The following SEC23IP variants were observed in gnomAD, a reference collection of about 807,000 sequenced individuals.
The protein encoded by SEC23IP is SEC23-interacting protein.
In SEC23IP, 70 loss-of-function variants were observed where a neutral mutation model predicts 113.4. The observed-to-expected ratio is 0.62, with a 90% confidence interval of 0.51 to 0.75. The LOEUF is 0.75. Ranked by LOEUF, SEC23IP falls within the 30% of genes least tolerant of loss-of-function variation. The pLI is 0.00. For synonymous variants in SEC23IP, 398 were observed against 421.0 expected, an observed-to-expected ratio of 0.95 and a Z score of 0.67; for missense variants, 1,160 against 1,204.9, an observed-to-expected ratio of 0.96 and a Z score of 0.55.
intron 15 of SEC23IP, 131 bp from the exon 16 acceptor site, chr10:119,932,002 C>T (rs560320524): frequency 1.4e-5 from 8 of 560,672 alleles, no homozygotes; most frequent in South Asian, 5.7e-5. Flanking sequence ...TGAGGCACTC[C>T]GTATATTTGA....
Position 119,919,615 on chromosome 10 carries a change from T to G in SEC23IP, c.2025+19T>G, listed in dbSNP as rs1249240202. On this transcript the variant is annotated intron_variant, in intron 11 of 18. Coordinates refer to ENST00000369075, the MANE Select transcript of SEC23IP (RefSeq NM_007190.4). Reference sequence around the variant, plus strand: ...GTCCCTGGTACTGATCATAGTTTGCTTCATTTTGTTTGAAATTGTTTTTCT... The same window carrying G: ...GTCCCTGGTACTGATCATAGTTTGCGTCATTTTGTTTGAAATTGTTTTTCT... The G allele has an allele frequency of 6.5e-7, 1 of 1,544,074 alleles. No homozygotes were observed. Among genetic ancestry groups the G allele is most frequent in the African/African-American group, 1.4e-5 (1 of 71,466 alleles).
chr10:119,932,935 G>C (rs1855654349), intron 16 of SEC23IP, 70 bp from the exon 17 acceptor site: 3 of 1,404,774 alleles, frequency 2.1e-6, no homozygotes, highest in African/African-American at 2.9e-5. Flanking sequence ...ATTGAGCCCA[G>C]AAAGTCAGCT....
At chr10:119,893,030 C>A in intron 1 of SEC23IP, 85 bp downstream of exon 1, 1 of 1,426,516 alleles carries the variant, frequency 7.0e-7, no homozygotes, top group Non-Finnish European at 9.6e-7. Flanking sequence ...GTTTTTCCTT[C>A]TGCCTCGAGC....
At position 119,902,939 on chromosome 10, in the gene SEC23IP, A is replaced by G. The variant is rs755600612; in HGVS notation, c.837A>G (p.Val279=). Residue 279 remains valine, a synonymous_variant, in exon 3 of 19, where the codon GTA becomes GTG. Transcript: ENST00000369075. ...CCCACTGGTTTTACTGCAAGGAGGT[A>G]GAATACAAACAACTGTGGATGCCTT... The part of the protein sequence containing the change: ...VQPHWFYCKE[V]EYKQLWMPFS... 46 of 1,614,112 alleles carry G rather than the reference A, an allele frequency of 2.8e-5. No individual in the cohort carries two copies. The highest frequency in any genetic ancestry group is 3.6e-5 in the Non-Finnish European group (43 of 1,180,038).
At chr10:119,896,379 C>G (rs1854285429) in intron 1 of SEC23IP, among the ~76,000 whole-genome samples, 1 of 152,158 alleles carries the variant, frequency 6.6e-6, no homozygotes, top group Non-Finnish European at 1.5e-5. Flanking sequence ...GTTTGAATGT[C>G]TGAATGAATG....
At chr10:119,898,401 C>T in intron 1 of SEC23IP, 26 bp from the exon 2 acceptor site, 3 of 1,587,990 alleles carry the variant, frequency 1.9e-6, no homozygotes, top group Non-Finnish European at 2.6e-6. Flanking sequence ...ACCCTTTAAA[C>T]CACATGCTCT....
chr10:119,894,252 A>T lies in SEC23IP; in HGVS notation c.163+1307A>T, dbSNP rs145070846. 3.0e-3 allele frequency among the ~76,000 whole-genome samples: 455 copies of T among 152,278 alleles called. 1 individual carries two copies. Among genetic ancestry groups the T allele is most frequent in the African/African-American group, 0.011 (438 of 41,558 alleles). ...ACCTAATTGCCTTTTTATCTCCAGGATCTTATTTAGGGCCTAGTACATAGA... is the reference window on the plus strand; with the variant it reads ...ACCTAATTGCCTTTTTATCTCCAGGTTCTTATTTAGGGCCTAGTACATAGA... On this transcript the variant is annotated intron_variant, in intron 1 of 18. Transcript: ENST00000369075.
intron 13 of SEC23IP, among the ~76,000 whole-genome samples, chr10:119,927,421 A>T (rs1338214335): frequency 6.6e-6 from 1 of 152,124 alleles, no homozygotes; most frequent in Non-Finnish European, 1.5e-5. Flanking sequence ...TTCTCTCTGA[A>T]ACTTGGAGGG....
chr10:119,897,350 A>G (rs1337155576), intron 1 of SEC23IP, among the ~76,000 whole-genome samples: 1 of 152,252 alleles, frequency 6.6e-6, no homozygotes, highest in East Asian at 1.9e-4. Context: ...GTAGAACAGA[A>G]GCTAAATTAT....
In SEC23IP at chr10:119,903,079, T is replaced by C. The variant is rs536531381; in HGVS notation, c.907+70T>C. ...AAGGAATGAGATCATTTATTCATGA[T>C]CTATTTTCTGTGAATGTCAAATACC... On this transcript the variant is annotated intron_variant, in intron 3 of 18. Transcript: ENST00000369075. The C allele has an allele frequency of 1.0e-5, 13 of 1,286,928 alleles. No individual in the cohort carries two copies. The South Asian group carries it at 1.6e-4, about 16-fold the overall frequency. The allele number at this position is 1,286,928 out of a possible 1,614,324, so 79.7% of individuals were successfully genotyped here.
intron 6 of SEC23IP, chr10:119,914,397 T>C (rs1269244864): frequency 3.8e-6 from 1 of 262,770 alleles, no homozygotes; most frequent in Non-Finnish European, 7.3e-6. Flanking sequence ...ATCTGAGTAA[T>C]CTCCACTGGG....
Position 119,918,449 on chromosome 10 carries a change from TG to T in SEC23IP, c.1811del (p.Cys604SerfsTer12). The T allele has an allele frequency of 6.2e-7, 1 of 1,613,876 alleles. No individual in the cohort carries two copies. The highest frequency in any genetic ancestry group is 8.5e-7 in the Non-Finnish European group (1 of 1,179,736). On this transcript the variant is annotated frameshift_variant, in exon 10 of 19. Transcript: ENST00000369075. LOFTEE classifies it high-confidence loss of function. ...TCAAAAAGATTTGAATTTATCAAAG[TG>T]CCCTGGACCTCTTGCTGTTGCTAAT... ...SNQKDLNLSK[C>X]PGPLAVANGV...
chr10:119,916,080 G>A (rs184653146), intron 8 of SEC23IP, among the ~76,000 whole-genome samples, 191 bp downstream of exon 8: 76 of 152,176 alleles, frequency 5.0e-4, no homozygotes, highest in African/African-American at 1.8e-3. Context: ...CATTCCTTTT[G>A]TAAATATTTA....
At chr10:119,904,335 T>C in intron 4 of SEC23IP, 58 bp downstream of exon 4, 1 of 1,435,772 alleles carries the variant, frequency 7.0e-7, no homozygotes, top group Non-Finnish European at 9.8e-7. Flanking sequence ...CTATATACAT[T>C]GGTGAGTAAC....
Position 119,892,735 on chromosome 10 carries a change from T to A in SEC23IP, c.-48T>A, listed in dbSNP as rs1854130518. 1 of 1,551,158 alleles carries A rather than the reference T, an allele frequency of 6.4e-7. No individual in the cohort carries two copies. Among genetic ancestry groups the A allele is most frequent in the Admixed American group, 1.9e-5 (1 of 52,726 alleles). Reference sequence around the variant, plus strand: ...AGCGTGATCGGTTTCCGGTCAGTGGTGTGGTACCGGGTACCCGGAGACGTG... The same window carrying A: ...AGCGTGATCGGTTTCCGGTCAGTGGAGTGGTACCGGGTACCCGGAGACGTG... On this transcript the variant is annotated 5_prime_UTR_variant, in exon 1 of 19. Transcript: ENST00000369075.
At chr10:119,909,201 T>G (rs1854777122) in intron 5 of SEC23IP, 71 bp downstream of exon 5, 3 of 1,046,710 alleles carry the variant, frequency 2.9e-6, no homozygotes, top group Non-Finnish European at 4.2e-6. Flanking sequence ...TTTGATAAAT[T>G]GTTCATTTTT....
chr10:119,921,234 G>A (rs771791420), intron 12 of SEC23IP, among the ~76,000 whole-genome samples: 15 of 152,168 alleles, frequency 9.9e-5, no homozygotes, highest in Non-Finnish European at 2.1e-4. Context: ...TTTTAAAATG[G>A]ATATTTAAGG....
In SEC23IP at chr10:119,898,510, T is replaced by C; in HGVS notation, c.247T>C (p.Phe83Leu). 6.2e-7 allele frequency: 1 copy of C among 1,614,124 alleles called. No individual in the cohort carries two copies. Among genetic ancestry groups the C allele is most frequent in the Non-Finnish European group, 8.5e-7 (1 of 1,180,026 alleles). ...ATCTGCCCCACAGACATTTAGTTACTTCTCTCAGGTATCAAGCAGCAGTGA... is the reference window on the plus strand; with the variant it reads ...ATCTGCCCCACAGACATTTAGTTACCTCTCTCAGGTATCAAGCAGCAGTGA... ...HTSAPQTFSY[F>L]SQVSSSSDPF... Residue 83 changes from phenylalanine to leucine, a missense_variant, in exon 2 of 19, where the codon TTC (phenylalanine) becomes CTC (leucine). Phe to Leu is a conservative substitution (Grantham distance 22). Transcript: ENST00000369075.
intron 8 of SEC23IP, among the ~76,000 whole-genome samples, chr10:119,916,219 A>G (rs1039861474): frequency 2.6e-5 from 4 of 152,240 alleles, no homozygotes; most frequent in African/African-American, 9.6e-5. Flanking sequence ...TGTCTCCAGA[A>G]ATTGCCAGAT....
Sources: gnomAD v4.1 joint callset for allele counts (sites outside exome capture counted in the v4.1 genomes callset) on GRCh38, gnomAD v4.1.1 for gene constraint, MANE v1.5 for transcripts, NCBI Gene and HGNC (gene_info 2026-07-23, HGNC 2026-07-21) for gene names.